Variants in SMOX observed in about 807,000 individuals in gnomAD.
SMOX encodes the protein spermine oxidase, also known as flavin containing amine oxidase.
In SMOX, 22 loss-of-function variants were observed where a neutral mutation model predicts 51.0. The observed-to-expected ratio is 0.43, with a 90% confidence interval of 0.31 to 0.62. The LOEUF is 0.62. Among genes scored for constraint, SMOX ranks in the 20% least tolerant of loss-of-function variants. The pLI is 0.10. For synonymous variants in SMOX, 282 were observed against 307.8 expected (o/e 0.92, Z 0.88); for missense variants, 566 against 777.7 (o/e 0.73, Z 3.24).
At chr20:4,158,148 C>A (rs553250605) in intron 1 of SMOX, among the ~76,000 whole-genome samples, 3 of 151,792 alleles carry the variant, frequency 2.0e-5, no homozygotes, top group African/African-American at 7.2e-5. Flanking sequence ...GATCCGCCCG[C>A]CTTGGCCTCC....
chr20:4,162,733 C>T (rs1256244407), intron 1 of SMOX, among the ~76,000 whole-genome samples: 1 of 152,194 alleles, frequency 6.6e-6, no homozygotes. Context: ...TTGGACCCAG[C>T]AGAGAGCAGA....
Position 4,166,860 on chromosome 20 carries a change from C to T in SMOX, c.-26-8170C>T, listed in dbSNP as rs6107417. Among the ~76,000 whole-genome samples, 690 of 152,336 alleles carry T rather than the reference C, an allele frequency of 4.5e-3. 5 individuals carry two copies. The highest frequency in any genetic ancestry group is 0.016 in the African/African-American group (660 of 41,582). ...GGCTCCCTTCTTCTCATCTGAAATT[C>T]GCTTACAAAGCCTTTTTAAAGTTGT... is the stretch of plus-strand genomic sequence containing the variant. On this transcript the variant is annotated intron_variant, in intron 1 of 6. Coordinates refer to ENST00000305958, the MANE Select transcript of SMOX (RefSeq NM_175839.3). The surrounding 1 kb of genome is among the most constrained non-coding windows in gnomAD (Gnocchi z 4.2).
chr20:4,159,747 G>A (rs1264234614), intron 1 of SMOX, among the ~76,000 whole-genome samples: 5 of 152,214 alleles, frequency 3.3e-5, no homozygotes, highest in Admixed American at 6.5e-5. Flanking sequence ...CAAACTCAGC[G>A]TCTCCACTTC....
intron 6 of SMOX, among the ~76,000 whole-genome samples, chr20:4,184,106 A>G (rs558726836): frequency 6.6e-6 from 1 of 150,860 alleles, no homozygotes; most frequent in South Asian, 2.1e-4. Context: ...CAGCCTCCCA[A>G]CTAGCTGGGA....
chr20:4,165,963 G>A (rs969835035), intron 1 of SMOX, among the ~76,000 whole-genome samples: 3 of 152,206 alleles, frequency 2.0e-5, no homozygotes, highest in African/African-American at 7.2e-5. Flanking sequence ...GCAAGCCAGG[G>A]ACATCTGCAG....
chr20:4,168,598 C>G (rs1390233410), intron 1 of SMOX, among the ~76,000 whole-genome samples: 1 of 151,674 alleles, frequency 6.6e-6, no homozygotes. Flanking sequence ...GCTCTGTCAC[C>G]CAGGCTGGAG....
chr20:4,155,937 C>T (rs963462507), intron 1 of SMOX, among the ~76,000 whole-genome samples: 2 of 152,182 alleles, frequency 1.3e-5, no homozygotes, highest in Admixed American at 1.3e-4. Flanking sequence ...AGATATCCCA[C>T]ACACACCTCC....
chr20:4,161,259 G>C (rs910523227), intron 1 of SMOX, among the ~76,000 whole-genome samples: 1 of 152,204 alleles, frequency 6.6e-6, no homozygotes, highest in Non-Finnish European at 1.5e-5. Context: ...ACTCACGTCA[G>C]GGCCGTGCCT....
At chr20:4,176,253 C>T (rs1006481661) in intron 2 of SMOX, 2 of 152,112 alleles carry the variant, frequency 1.3e-5, no homozygotes, top group African/African-American at 4.8e-5. Flanking sequence ...AACTCCTGAC[C>T]TCAGGTGATC....
intron 1 of SMOX, among the ~76,000 whole-genome samples, chr20:4,162,945 T>C (rs1333300499): frequency 2.0e-5 from 3 of 152,010 alleles, no homozygotes; most frequent in Non-Finnish European, 4.4e-5. Flanking sequence ...GTGAGCAAGG[T>C]TGGGCAAGGA....
intron 1 of SMOX, among the ~76,000 whole-genome samples, chr20:4,171,189 C>T (rs1471031941): frequency 6.6e-6 from 1 of 152,190 alleles, no homozygotes; most frequent in East Asian, 1.9e-4. Flanking sequence ...TTCTTTCTTT[C>T]TTTCCCCAAG....
intron 2 of SMOX, chr20:4,175,903 G>A (rs1978797202): frequency 6.8e-6 from 1 of 146,568 alleles, no homozygotes; most frequent in African/African-American, 2.5e-5. Context: ...CGGGGGAGGG[G>A]GTGGGGGGGG....
Position 4,182,457 on chromosome 20 carries a change from C to G in SMOX, c.978C>G (p.Asp326Glu), listed in dbSNP as rs920072700. 1.3e-6 allele frequency: 2 copies of G among 1,599,616 alleles called. No homozygotes were observed. Among genetic ancestry groups the G allele is most frequent in the African/African-American group, 1.3e-5 (1 of 74,692 alleles). The change falls in exon 5 of 7, where the codon GAC (aspartate) becomes GAG (glutamate). Residue 326 changes from aspartate (D) to glutamate (E), a missense_variant. By Grantham distance (45) the Asp-to-Glu change is conservative. Transcript: ENST00000305958. This position sits in a 1 kb window ranked among gnomAD's most constrained non-coding sequence, Gnocchi z 8.4. The part of the protein sequence containing the change: ...ECEDCELIPA[D>E]HVIVTVSLGV... ...AGGACTGTGAGCTGATCCCGGCGGA[C>G]CATGTGATTGTGACCGTGTCGCTAG... is the stretch of plus-strand genomic sequence containing the variant.
intron 1 of SMOX, among the ~76,000 whole-genome samples, chr20:4,159,842 C>G (rs1986222739): frequency 6.6e-6 from 1 of 152,164 alleles, no homozygotes; most frequent in Non-Finnish European, 1.5e-5. Context: ...AGACCTGGTT[C>G]CAGCCCTCGC....
Position 4,187,120 on chromosome 20 carries a change from G to C in SMOX, c.1531-150G>C, listed in dbSNP as rs924468608. On this transcript the variant is annotated intron_variant, in intron 6 of 6. Transcript: ENST00000305958. This position sits in a 1 kb window ranked among gnomAD's most constrained non-coding sequence, Gnocchi z 4.8. ...GGAAAGTGGCCAGATAGGATGGGCA[G>C]CTCTTCATCCTGTGGAAGCAGCAGC... The C allele has an allele frequency of 8.6e-6, 9 of 1,047,632 alleles. No individual in the cohort carries two copies. The highest frequency in any genetic ancestry group is 1.2e-5 in the Non-Finnish European group (9 of 742,564). 64.9% of individuals were successfully genotyped at this position (1,047,632 alleles called of 1,614,324 possible).
chr20:4,182,190 G>A lies in SMOX; in HGVS notation c.711G>A (p.Ser237=), dbSNP rs114897412. The A allele has an allele frequency of 6.2e-6, 10 of 1,613,518 alleles. No homozygotes were observed. Among genetic ancestry groups the A allele is most frequent in the South Asian group, 3.3e-5 (3 of 91,090 alleles). ...CCGGCGCTCACCACATCATCCCCTC[G>A]GGCTTCATGCGGGTTGTGGAGCTGC... The part of the protein sequence containing the change: ...EIPGAHHIIP[S]GFMRVVELLA... The change falls in exon 5 of 7, where the codon TCG becomes TCA. Residue 237 remains serine, a synonymous_variant. Transcript: ENST00000305958. The surrounding 1 kb of genome is among the most constrained non-coding windows in gnomAD (Gnocchi z 8.4).
intron 1 of SMOX, among the ~76,000 whole-genome samples, chr20:4,151,346 G>A (rs1985751383): frequency 1.3e-5 from 2 of 152,122 alleles, no homozygotes; most frequent in South Asian, 4.2e-4. Flanking sequence ...GTAGAGCAGC[G>A]AGAATGTTAT....
chr20:4,178,706 G>T (rs190428386), intron 3 of SMOX, among the ~76,000 whole-genome samples: 1 of 147,562 alleles, frequency 6.8e-6, no homozygotes. Flanking sequence ...TTTTTGAGAC[G>T]GAGTTTCGCT....
At position 4,182,516 on chromosome 20, in the gene SMOX, G is replaced by T. The variant is rs143899175; in HGVS notation, c.1037G>T (p.Arg346Leu). 3.1e-6 allele frequency: 5 copies of T among 1,610,346 alleles called. No homozygotes were observed. The highest frequency in any genetic ancestry group is 4.2e-6 in the Non-Finnish European group (5 of 1,177,826). Residue 346 changes from arginine to leucine, a missense_variant, in exon 5 of 7, where the codon CGG (arginine) becomes CTG (leucine). By Grantham distance (102) the Arg-to-Leu change is moderately radical (BLOSUM62 -2). Coordinates refer to ENST00000305958, the MANE Select transcript of SMOX (RefSeq NM_175839.3). This position sits in a 1 kb window ranked among gnomAD's most constrained non-coding sequence, Gnocchi z 8.4. ...AAGAGGCAGTACACCAGTTTCTTCC[G>T]GCCAGGCCTGCCCACAGAGAAGGTG... ...VLKRQYTSFF[R>L]PGLPTEKVAA...
Sources: gnomAD v4.1 joint callset for allele counts (sites outside exome capture counted in the v4.1 genomes callset) on GRCh38, gnomAD v4.1.1 for gene constraint, Gnocchi (gnomAD v3.1) non-coding constraint, MANE v1.5 for transcripts, NCBI Gene and HGNC (gene_info 2026-07-23, HGNC 2026-07-21) for gene names.